The following DCC variants were observed in gnomAD, a reference collection of about 807,000 sequenced individuals.
DCC encodes netrin receptor DCC.
In DCC, 58 loss-of-function variants were observed where a neutral mutation model predicts 172.5. The observed-to-expected ratio is 0.34, with a 90% CI of 0.27 to 0.42. The LOEUF (loss-of-function observed/expected upper bound fraction) is 0.42. Among genes scored for constraint, DCC ranks in the 10% least tolerant of loss-of-function variants. The probability of loss-of-function intolerance (pLI) is 1.00; values close to 1 mark genes in which losing one functional copy is unlikely to be tolerated. For missense variants in DCC, 1,740 were observed against 1,791.0 expected, an observed-to-expected ratio of 0.97 and a Z score of 0.51; for synonymous variants, 709 against 644.5, an observed-to-expected ratio of 1.10 and a Z score of -1.52.
At chr18:52,369,910 C>A (rs184301786) in intron 1 of DCC, among the ~76,000 whole-genome samples, 2 of 152,238 alleles carry the variant, frequency 1.3e-5, no homozygotes, top group East Asian at 1.9e-4. Flanking sequence ...AGGATTGTGG[C>A]ACTAACAGTG....
intron 2 of DCC, among the ~76,000 whole-genome samples, chr18:52,811,214 C>A (rs34668770): frequency 0.055 from 8,385 of 152,236 alleles, 313 homozygotes; most frequent in Middle Eastern, 0.095. Flanking sequence ...TTGTCATTAT[C>A]GTCTTTCACA....
At chr18:53,444,080 T>C (rs1336930614) in intron 22 of DCC, among the ~76,000 whole-genome samples, 5 of 152,238 alleles carry the variant, frequency 3.3e-5, no homozygotes, top group Non-Finnish European at 5.9e-5. Flanking sequence ...TAATATTACG[T>C]AAACTTAGTT....
At chr18:53,110,012 C>T (rs2043307340) in intron 7 of DCC, among the ~76,000 whole-genome samples, 1 of 151,462 alleles carries the variant, frequency 6.6e-6, no homozygotes, top group African/African-American at 2.4e-5. Flanking sequence ...ACGTATTTAA[C>T]AAGATATGCT....
chr18:52,398,608 A>G (rs1376447122), intron 1 of DCC, among the ~76,000 whole-genome samples: 2 of 151,982 alleles, frequency 1.3e-5, no homozygotes, highest in South Asian at 2.1e-4. Context: ...GAGGCAACAT[A>G]TATGGTCTTA....
chr18:53,528,708 T>G (rs2046486637), intron 28 of DCC, among the ~76,000 whole-genome samples: 1 of 152,080 alleles, frequency 6.6e-6, no homozygotes, highest in African/African-American at 2.4e-5. Flanking sequence ...ATAGGTGAAG[T>G]TAATACCTTT....
At chr18:52,596,815 T>A (rs541749772) in intron 1 of DCC, among the ~76,000 whole-genome samples, 1 of 152,200 alleles carries the variant, frequency 6.6e-6, no homozygotes, top group African/African-American at 2.4e-5. Flanking sequence ...CCTTCCTACA[T>A]GGCCTCTTTC....
At chr18:52,693,507 A>T (rs1017981717) in intron 1 of DCC, among the ~76,000 whole-genome samples, 1 of 150,004 alleles carries the variant, frequency 6.7e-6, no homozygotes, top group Non-Finnish European at 1.5e-5. Flanking sequence ...ATACAATACA[A>T]TATAACATAT....
intron 12 of DCC, among the ~76,000 whole-genome samples, chr18:53,259,962 A>G (rs910101954): frequency 2.6e-5 from 4 of 151,986 alleles, no homozygotes; most frequent in African/African-American, 9.7e-5. Context: ...TTGATCTTCC[A>G]TCACTGATAC....
intron 1 of DCC, among the ~76,000 whole-genome samples, chr18:52,521,431 G>T (rs577122101): frequency 6.6e-6 from 1 of 152,252 alleles, no homozygotes; most frequent in East Asian, 1.9e-4. Context: ...AGGCTGGGAA[G>T]TCCAAGATCA....
At chr18:52,645,199 G>GA (rs1396786407) in intron 1 of DCC, among the ~76,000 whole-genome samples, 4 of 152,142 alleles carry the variant, frequency 2.6e-5, no homozygotes, top group Non-Finnish European at 2.9e-5. Context: ...CTGGTGTGAT[G>GA]AAAAACAGAG....
intron 1 of DCC, among the ~76,000 whole-genome samples, chr18:52,451,827 G>T (rs17827940): frequency 0.048 from 7,253 of 152,180 alleles, 319 homozygotes; most frequent in South Asian, 0.13. Context: ...CTCTGTTTCT[G>T]TCTGAGTCTG....
intron 26 of DCC, among the ~76,000 whole-genome samples, chr18:53,496,063 C>T (rs112533617): frequency 0.056 from 8,579 of 152,200 alleles, 815 homozygotes; most frequent in African/African-American, 0.19. Context: ...CCTGACAGTT[C>T]TGAAGAGAGA....
chr18:53,120,330 C>T (rs770371071), intron 7 of DCC, among the ~76,000 whole-genome samples: 1 of 151,260 alleles, frequency 6.6e-6, no homozygotes, highest in African/African-American at 2.4e-5. Context: ...TAGAATATAA[C>T]CTTAGAGAAT....
intron 1 of DCC, among the ~76,000 whole-genome samples, chr18:52,451,650 A>C (rs775688666): frequency 1.2e-4 from 19 of 152,124 alleles, no homozygotes; most frequent in Non-Finnish European, 2.5e-4. Flanking sequence ...GAGGACCAAA[A>C]TACATCCTAA....
chr18:52,604,694 T>C (rs1184754027), intron 1 of DCC, among the ~76,000 whole-genome samples: 2 of 152,144 alleles, frequency 1.3e-5, no homozygotes, highest in Non-Finnish European at 2.9e-5. Context: ...AGCTTGGAAG[T>C]GAAGTGGTAG....
chr18:52,792,593 A>G (rs2037791557), intron 2 of DCC, among the ~76,000 whole-genome samples: 2 of 152,116 alleles, frequency 1.3e-5, no homozygotes, highest in African/African-American at 4.8e-5. Context: ...ATGCCCAGAA[A>G]CCCATAGGTA....
At chr18:53,081,978 C>T (rs1385817682) in intron 7 of DCC, among the ~76,000 whole-genome samples, 4 of 151,976 alleles carry the variant, frequency 2.6e-5, no homozygotes, top group Admixed American at 6.6e-5. Context: ...CTCTAAGGCA[C>T]CGTAGATGGG....
intron 2 of DCC, among the ~76,000 whole-genome samples, chr18:52,899,987 C>G (rs6508174): frequency 0.021 from 3,155 of 152,296 alleles, 105 homozygotes; most frequent in African/African-American, 0.071. Context: ...ATAACATAGA[C>G]TCGGCTCTGA....
At chr18:52,539,437 G>A (rs1160346404) in intron 1 of DCC, among the ~76,000 whole-genome samples, 1 of 152,184 alleles carries the variant, frequency 6.6e-6, no homozygotes, top group Middle Eastern at 3.2e-3. Flanking sequence ...CAGGAGGTGA[G>A]TGCAGGCCAG....
Sources: allele counts gnomAD v4.1 joint callset (sites outside exome capture counted in the v4.1 genomes callset), GRCh38; gene constraint gnomAD v4.1.1; transcripts MANE v1.5; gene names NCBI Gene and HGNC (gene_info 2026-07-23, HGNC 2026-07-21).